MRPL44: variants seen among roughly 807,000 people sequenced by gnomAD.
MRPL44 encodes large ribosomal subunit protein mL44.
Under a neutral mutation model 25.9 loss-of-function variants are expected in MRPL44, and 21 were observed. That is an observed-to-expected ratio of 0.81 (90% confidence interval 0.58 to 1.17). The LOEUF (loss-of-function observed/expected upper bound fraction) is 1.17. Ranked by LOEUF, MRPL44 falls within the 50% of genes most tolerant of loss-of-function variation. The pLI is 0.00. For synonymous variants in MRPL44, 169 were observed against 151.0 expected, an observed-to-expected ratio of 1.12 and a Z score of -0.87; for missense variants, 410 against 398.9, an observed-to-expected ratio of 1.03 and a Z score of -0.24.
upstream of MRPL44, among the ~76,000 whole-genome samples, chr2:223,956,056 A>G (rs16865350): frequency 0.023 from 3,570 of 152,300 alleles, 120 homozygotes; most frequent in African/African-American, 0.08. Context: ...CAACTGGCTT[A>G]GATTATTTTT....
At chr2:223,953,412 CATGAG>C (rs1559181921), upstream of MRPL44, among the ~76,000 whole-genome samples, 13 of 149,894 alleles carry the variant, frequency 8.7e-5, no homozygotes, top group African/African-American at 3.3e-4. Context: ...GGATTACAGG[CATGAG>C]CCACCGTGCC....
chr2:223,965,782 A>G (rs1689730916), intron 3 of MRPL44: 1 of 152,210 alleles, frequency 6.6e-6, no homozygotes, highest in Non-Finnish European at 1.5e-5. Flanking sequence ...AGAGTGGATT[A>G]GAAATATATA....
chr2:223,953,385 G>A (rs1380613182), upstream of MRPL44, among the ~76,000 whole-genome samples: 2 of 152,022 alleles, frequency 1.3e-5, no homozygotes, highest in African/African-American at 4.8e-5. Context: ...CGCCTGCCTC[G>A]GCCTCCCAAA....
At chr2:223,956,250 G>T (rs1266595683), upstream of MRPL44, among the ~76,000 whole-genome samples, 16 of 152,164 alleles carry the variant, frequency 1.1e-4, no homozygotes, top group South Asian at 3.1e-3. Context: ...TTTGTTTTTT[G>T]GTGTGTGCTC....
intron 2 of MRPL44, among the ~76,000 whole-genome samples, chr2:223,961,402 A>G (rs1559184693): frequency 6.6e-6 from 1 of 152,268 alleles, no homozygotes; most frequent in Non-Finnish European, 1.5e-5. Flanking sequence ...TTTAAGAGCC[A>G]GTGTACAGAA....
upstream of MRPL44, among the ~76,000 whole-genome samples, chr2:223,955,123 A>G (rs1246285547): frequency 6.6e-6 from 1 of 152,126 alleles, no homozygotes; most frequent in Non-Finnish European, 1.5e-5. Flanking sequence ...TTTGTTGCTC[A>G]GGTTTACTAA....
chr2:223,959,550 T>C lies in MRPL44; in HGVS notation c.196T>C (p.Trp66Arg), dbSNP rs201778761. The change falls in exon 2 of 4, where the codon TGG becomes CGG. Residue 66 changes from tryptophan to arginine, a missense_variant. By Grantham distance (101) the Trp-to-Arg change is moderately radical. Coordinates refer to ENST00000258383, the MANE Select transcript of MRPL44 (RefSeq NM_022915.5). ...PPVRRSEKPN[W>R]DYHAEIQAFG... ...CATTTTCAGTTCAGAGAAGCCGAAC[T>C]GGGATTACCATGCAGAAATACAAGC... is the stretch of plus-strand genomic sequence containing the variant. 9.4e-5 allele frequency: 151 copies of C among 1,608,596 alleles called. No individual in the cohort carries two copies. The highest frequency in any genetic ancestry group is 1.2e-4 in the Non-Finnish European group (140 of 1,177,702).
chr2:223,958,176 A>G lies in MRPL44; in HGVS notation c.179+525A>G, dbSNP rs550747411. Among the ~76,000 whole-genome samples, 18 of 152,332 alleles carry G rather than the reference A, an allele frequency of 1.2e-4. 1 individual carries two copies. In the South Asian group the frequency reaches 3.7e-3, roughly 32 times the overall value. On this transcript the variant is annotated intron_variant, in intron 1 of 3. Transcript: ENST00000258383. ...AGCTTCAAACCAGATCATACTTTAC[A>G]TAATTTAAATTCCTTCATCTTGCTT...
chr2:223,966,725 GATCT>G lies in MRPL44; in HGVS notation c.828-134_828-131del, dbSNP rs1574797382. 5 of 629,636 alleles carry G rather than the reference GATCT, an allele frequency of 7.9e-6. No individual in the cohort carries two copies. In the East Asian group the frequency reaches 1.5e-4, roughly 18 times the overall value. The allele number at this position is 629,636 out of a possible 1,614,324, so 39.0% of individuals were successfully genotyped here. On this transcript the variant is annotated intron_variant, in intron 3 of 3. Coordinates refer to ENST00000258383, the MANE Select transcript of MRPL44 (RefSeq NM_022915.5). The stretch of plus-strand genomic sequence containing the variant: ...CAAATCTAGTTAAAATCCAAAAGAT[GATCT>G]ATCAGAGCTATTGTGTTACTTCTAA...
upstream of MRPL44, among the ~76,000 whole-genome samples, chr2:223,956,769 A>G (rs1440401073): frequency 6.6e-6 from 1 of 152,222 alleles, no homozygotes; most frequent in Non-Finnish European, 1.5e-5. Context: ...GTTCTTTTAA[A>G]AATTGTACTG....
upstream of MRPL44, among the ~76,000 whole-genome samples, chr2:223,953,540 C>T (rs1689522406): frequency 6.6e-6 from 1 of 152,154 alleles, no homozygotes; most frequent in African/African-American, 2.4e-5. Context: ...ATAATGTATA[C>T]CTAATCAATG....
At chr2:223,954,949 T>G (rs1008290118), upstream of MRPL44, among the ~76,000 whole-genome samples, 1 of 152,246 alleles carries the variant, frequency 6.6e-6, no homozygotes, top group African/African-American at 2.4e-5. Context: ...TTGATGCATT[T>G]TTTTTGAGAA....
At chr2:223,966,823 A>G in intron 3 of MRPL44, 40 bp from the exon 4 acceptor site, 1 of 1,582,498 alleles carries the variant, frequency 6.3e-7, no homozygotes, top group Non-Finnish European at 8.6e-7. Context: ...GTCTTACAAT[A>G]TTCCATGTAA....
chr2:223,957,286 A>C (rs556592846), upstream of MRPL44: 1 of 654,294 alleles, frequency 1.5e-6, no homozygotes, highest in East Asian at 2.7e-5. Context: ...CGTAGCCTCA[A>C]GGCGGCCGCA....
Position 223,957,537 on chromosome 2 carries a change from C to T in MRPL44, c.65C>T (p.Pro22Leu). ...GHRCLLAPVA[P>L]KLVPPVRGVK... Reference sequence around the variant, plus strand: ...CGCTGCCTCCTGGCTCCAGTCGCCCCCAAGCTGGTCCCTCCGGTTCGGGGA... The same window carrying T: ...CGCTGCCTCCTGGCTCCAGTCGCCCTCAAGCTGGTCCCTCCGGTTCGGGGA... The change falls in exon 1 of 4, where the codon CCC becomes CTC. Residue 22 changes from proline to leucine, a missense_variant. Physicochemically the swap from Pro to Leu is moderately conservative, Grantham distance 98. Coordinates refer to ENST00000258383, the MANE Select transcript of MRPL44 (RefSeq NM_022915.5). 6.2e-7 allele frequency: 1 copy of T among 1,614,090 alleles called. No homozygotes were observed. The highest frequency in any genetic ancestry group is 8.5e-7 in the Non-Finnish European group (1 of 1,180,024).
chr2:223,952,544 A>T (rs1479263684), upstream of MRPL44, among the ~76,000 whole-genome samples: 1 of 152,148 alleles, frequency 6.6e-6, no homozygotes, highest in Non-Finnish European at 1.5e-5. Flanking sequence ...TGACTGATAC[A>T]ATTATGGCAA....
intron 2 of MRPL44, among the ~76,000 whole-genome samples, chr2:223,961,704 A>G (rs1689663011): frequency 6.6e-6 from 1 of 152,216 alleles, no homozygotes. Flanking sequence ...TAGAAACATC[A>G]TTTCTTCATA....
At chr2:223,954,054 C>T (rs898209139), upstream of MRPL44, among the ~76,000 whole-genome samples, 2 of 152,198 alleles carry the variant, frequency 1.3e-5, no homozygotes, top group Admixed American at 6.5e-5. Context: ...TCTGATATTT[C>T]CTGAACTTGT....
At position 223,959,949 on chromosome 2, in the gene MRPL44, A is replaced by G. The variant is rs1689631749; in HGVS notation, c.595A>G (p.Ile199Val). Residue 199 changes from isoleucine (I) to valine (V), a missense_variant, in exon 2 of 4, where the codon ATT becomes GTT. Coordinates refer to ENST00000258383, the MANE Select transcript of MRPL44 (RefSeq NM_022915.5). ...GTTACAGCAGACTTTCTTTGCAGTT[A>G]TTGGAGCCCTGTTACAGAGCAGTGG... ...AVLQQTFFAVIGALLQSSGPE... is the reference protein window; with the variant it reads ...AVLQQTFFAVVGALLQSSGPE... 1.1e-5 allele frequency: 18 copies of G among 1,614,114 alleles called. No individual in the cohort carries two copies. The highest frequency in any genetic ancestry group is 1.5e-5 in the Non-Finnish European group (18 of 1,180,042).
Sources: allele counts gnomAD v4.1 joint callset (sites outside exome capture counted in the v4.1 genomes callset), GRCh38; gene constraint gnomAD v4.1.1; transcripts MANE v1.5; gene names NCBI Gene and HGNC (gene_info 2026-07-23, HGNC 2026-07-21).